The following PRDM11 variants were observed in gnomAD, a reference collection of about 807,000 sequenced individuals.
PRDM11 encodes the protein PR domain-containing protein 11.
Under a neutral mutation model 97.8 loss-of-function variants are expected in PRDM11, and 20 were observed. The ratio of observed to expected loss-of-function variants is 0.20; its 90% confidence interval spans 0.14 to 0.30. The LOEUF (loss-of-function observed/expected upper bound fraction) is 0.30, where lower values mean the gene tolerates loss of function less well. Ranked by LOEUF, PRDM11 falls within the 10% of genes least tolerant of loss-of-function variation. The probability of loss-of-function intolerance (pLI) is 1.00; values close to 1 mark genes in which losing one functional copy is unlikely to be tolerated. For missense variants in PRDM11, 1,139 were observed against 1,555.2 expected (o/e 0.73, Z 4.50); for synonymous variants, 599 against 637.7 (o/e 0.94, Z 0.91).
In PRDM11 at chr11:45,180,399, G is replaced by A. The variant is rs540405921; in HGVS notation, c.-6-1362G>A. 2.0e-3 allele frequency among the ~76,000 whole-genome samples: 309 copies of A among 152,206 alleles called. 2 individuals carry two copies. Among genetic ancestry groups the A allele is most frequent in the African/African-American group, 7.2e-3 (298 of 41,558 alleles). On this transcript the variant is annotated intron_variant, in intron 1 of 7. Coordinates refer to ENST00000683152, the MANE Select transcript of PRDM11 (RefSeq NM_001384648.1). ...CGTCGCCGCCACACCAAGGCAGCTC[G>A]GAGGCTGGGGACACCCGCCCGGCCT...
intron 1 of PRDM11, among the ~76,000 whole-genome samples, chr11:45,103,047 GTC>G (rs1330312862): frequency 1.3e-5 from 2 of 152,178 alleles, no homozygotes; most frequent in African/African-American, 4.8e-5. Flanking sequence ...GAGAACCCAA[GTC>G]TCTCTACTCC....
At chr11:45,223,688 G>A (rs1854181476) in intron 6 of PRDM11, among the ~76,000 whole-genome samples, 1 of 152,200 alleles carries the variant, frequency 6.6e-6, no homozygotes, top group Non-Finnish European at 1.5e-5. Flanking sequence ...GTTGCCATAG[G>A]ATGGACTTTG....
At chr11:45,209,630 G>A (rs1853644922) in intron 5 of PRDM11, among the ~76,000 whole-genome samples, 1 of 152,190 alleles carries the variant, frequency 6.6e-6, no homozygotes, top group Non-Finnish European at 1.5e-5. Context: ...GAAACGAAGG[G>A]ATGGAGGACA....
At chr11:45,209,360 TCTCCCACCGA>T in intron 5 of PRDM11, 1 of 339,220 alleles carries the variant, frequency 2.9e-6, no homozygotes, top group Non-Finnish European at 5.8e-6. Flanking sequence ...CAGTCCACAG[TCTCCCACCGA>T]CTTTCCCTCT....
At chr11:45,224,128 G>C in intron 6 of PRDM11, 89 bp from the exon 7 acceptor site, 1 of 1,426,424 alleles carries the variant, frequency 7.0e-7, no homozygotes. Flanking sequence ...TGTGTCAGGT[G>C]ACCTAACAGG....
chr11:45,134,701 G>GAAAAAACAAAAAAAAAAAAAAAAA (rs1852796709), intron 1 of PRDM11, among the ~76,000 whole-genome samples: 1 of 44,264 alleles, frequency 2.3e-5, no homozygotes, highest in African/African-American at 1.1e-4. Context: ...CCTGTCTCAC[G>GAAAAAACAAAAAAAAAAAAAAAAA]AAAAAAAAAA....
chr11:45,172,579 C>G (rs1163549732), intron 1 of PRDM11, among the ~76,000 whole-genome samples: 1 of 152,148 alleles, frequency 6.6e-6, no homozygotes, highest in Non-Finnish European at 1.5e-5. Context: ...AGACCAAATA[C>G]AGTCAACCCC....
intron 2 of PRDM11, 71 bp downstream of exon 2, chr11:45,181,956 A>C: frequency 6.6e-6 from 9 of 1,368,722 alleles, no homozygotes; most frequent in Non-Finnish European, 9.1e-6. Context: ...GTTGGTTGGG[A>C]ACCCTGGGAA....
In PRDM11 at chr11:45,228,696, G is replaced by C. The variant is rs1298758442; in HGVS notation, c.*537G>C. 1 of 152,172 alleles carries C rather than the reference G, an allele frequency of 6.6e-6. No individual in the cohort carries two copies. The highest frequency in any genetic ancestry group is 1.9e-4 in the East Asian group (1 of 5,200). The allele number at this position is 152,172 out of a possible 1,614,324, so 9.4% of individuals were successfully genotyped here. On this transcript the variant is annotated 3_prime_UTR_variant, in exon 8 of 8. Transcript: ENST00000683152. ...TGACTTAAGTCAGGGTGGGTTGTCTGTCTGCATTTGGGAGGCAGGGGGGTT... is the reference window on the plus strand; with the variant it reads ...TGACTTAAGTCAGGGTGGGTTGTCTCTCTGCATTTGGGAGGCAGGGGGGTT...
chr11:45,176,393 A>G (rs1489276727), intron 1 of PRDM11, among the ~76,000 whole-genome samples: 1 of 152,170 alleles, frequency 6.6e-6, no homozygotes, highest in East Asian at 1.9e-4. Context: ...CAGAAATTTC[A>G]CCACCATGTG....
In PRDM11 at chr11:45,193,319, A is replaced by G. The variant is rs80350515; in HGVS notation, c.486+10196A>G. On this transcript the variant is annotated intron_variant, in intron 4 of 7. Transcript: ENST00000683152. The stretch of plus-strand genomic sequence containing the variant: ...TGCAACATTTACATATTAAGTTTAT[A>G]TCTGTTCTTTTTTTGTTGGCTCATA... 8.0e-4 allele frequency among the ~76,000 whole-genome samples: 122 copies of G among 152,252 alleles called. 2 individuals are homozygous for G. The East Asian group carries it at 0.02, about 25-fold the overall frequency.
chr11:45,097,685 T>C (rs544410590), intron 1 of PRDM11, among the ~76,000 whole-genome samples: 1 of 152,356 alleles, frequency 6.6e-6, no homozygotes, highest in East Asian at 1.9e-4. Context: ...GACGGAGCTA[T>C]TGGGACACAT....
rs1157017135 is a variant in PRDM11 at position 45,190,148 on chromosome 11, CT to C, written c.486+7038del. On this transcript the variant is annotated intron_variant, in intron 4 of 7. Coordinates refer to ENST00000683152, the MANE Select transcript of PRDM11 (RefSeq NM_001384648.1). ...ACACACACGTGCACACACACACACACTTTTTTTTTTTTTCTTGAGATGGAGT... is the reference window on the plus strand; with the variant it reads ...ACACACACGTGCACACACACACACACTTTTTTTTTTTTCTTGAGATGGAGT... Among the ~76,000 whole-genome samples the C allele has an allele frequency of 3.0e-3, 439 of 145,944 alleles. 2 individuals carry two copies. The highest frequency in any genetic ancestry group is 0.015 in the East Asian group (76 of 5,016).
At chr11:45,096,745 T>C (rs1378415855) in intron 1 of PRDM11, among the ~76,000 whole-genome samples, 2 of 152,234 alleles carry the variant, frequency 1.3e-5, no homozygotes, top group African/African-American at 4.8e-5. Context: ...TAGAAGCCTG[T>C]GGAATCACAG....
At chr11:45,099,137 C>T (rs1266415359) in intron 1 of PRDM11, among the ~76,000 whole-genome samples, 5 of 152,020 alleles carry the variant, frequency 3.3e-5, no homozygotes, top group Non-Finnish European at 5.9e-5. Context: ...GCACGCGATG[C>T]CTGATGGCCT....
At chr11:45,126,724 T>A (rs1852583443) in intron 1 of PRDM11, among the ~76,000 whole-genome samples, 1 of 152,244 alleles carries the variant, frequency 6.6e-6, no homozygotes, top group Non-Finnish European at 1.5e-5. Flanking sequence ...TCTGATGGGC[T>A]TCCCTTTGTG....
At chr11:45,174,638 A>G (rs1193739273) in intron 1 of PRDM11, among the ~76,000 whole-genome samples, 3 of 152,226 alleles carry the variant, frequency 2.0e-5, no homozygotes, top group African/African-American at 7.2e-5. Context: ...CTCCTAACCA[A>G]TTGGCAGGAT....
At chr11:45,112,788 T>TTGTGTGTG (rs113245678) in intron 1 of PRDM11, among the ~76,000 whole-genome samples, 5 of 149,854 alleles carry the variant, frequency 3.3e-5, no homozygotes, top group African/African-American at 1.2e-4. Flanking sequence ...ATGGGATTAT[T>TTGTGTGTG]TGTGTGTGTG....
At chr11:45,203,860 C>G (rs1285982207) in intron 4 of PRDM11, among the ~76,000 whole-genome samples, 1 of 152,174 alleles carries the variant, frequency 6.6e-6, no homozygotes, top group East Asian at 1.9e-4. Context: ...AAGCTGTATT[C>G]AAAAGCCTAA....
Sources: allele counts gnomAD v4.1 joint callset (sites outside exome capture counted in the v4.1 genomes callset), GRCh38; gene constraint gnomAD v4.1.1; transcripts MANE v1.5; gene names NCBI Gene and HGNC (gene_info 2026-07-23, HGNC 2026-07-21).